Variants in GRID2 observed in about 807,000 individuals in gnomAD.
GRID2 encodes the protein glutamate receptor ionotropic, delta-2.
GRID2 carries 33 observed loss-of-function variants against 114.8 expected under a neutral mutation model. That is an observed-to-expected ratio of 0.29 (90% CI 0.22 to 0.38). The LOEUF (loss-of-function observed/expected upper bound fraction) is 0.38. Ranked by LOEUF, GRID2 falls within the 10% of genes least tolerant of loss-of-function variation. The pLI is 1.00. For synonymous variants in GRID2, 505 were observed against 449.9 expected (o/e 1.12, Z -1.55); for missense variants, 1,184 against 1,257.7 (o/e 0.94, Z 0.89).
chr4:92,383,160 C>A (rs1175438999), intron 1 of GRID2, among the ~76,000 whole-genome samples: 2 of 151,854 alleles, frequency 1.3e-5, no homozygotes, highest in Non-Finnish European at 2.9e-5. Context: ...CTAAATCATT[C>A]ATGAGGATTC....
chr4:92,963,784 T>C (rs755368910), intron 2 of GRID2, among the ~76,000 whole-genome samples: 1 of 152,016 alleles, frequency 6.6e-6, no homozygotes, highest in African/African-American at 2.4e-5. Flanking sequence ...CCCAGACCCA[T>C]TGGAAAAATT....
intron 1 of GRID2, among the ~76,000 whole-genome samples, chr4:93,787,499 C>T (rs1303574746): frequency 6.6e-6 from 1 of 152,148 alleles, no homozygotes; most frequent in Non-Finnish European, 1.5e-5. Flanking sequence ...TCCACTCTAA[C>T]CACCCTGTTT....
At position 92,536,545 on chromosome 4, in the gene GRID2, G is replaced by T. The variant is rs1725643205; in HGVS notation, c.89-53586G>T. 4.6e-5 allele frequency among the ~76,000 whole-genome samples: 7 copies of T among 152,264 alleles called. No homozygotes were observed. In the South Asian group the frequency reaches 1.5e-3, roughly 32 times the overall value. ...ACATAAGTGCTTAAAGAATGAAGAT[G>T]AAATAAAAATGATTTACACAAAACT... On this transcript the variant is annotated intron_variant, in intron 1 of 15. Coordinates refer to ENST00000282020, the MANE Select transcript of GRID2 (RefSeq NM_001510.4).
chr4:93,181,538 A>G (rs1447953646), intron 4 of GRID2, among the ~76,000 whole-genome samples: 4 of 152,218 alleles, frequency 2.6e-5, no homozygotes, highest in Admixed American at 6.5e-5. Context: ...GAAAGTCCCA[A>G]TGGCATCTTC....
chr4:93,724,838 G>A (rs769877371), intron 14 of GRID2, among the ~76,000 whole-genome samples: 11 of 151,964 alleles, frequency 7.2e-5, no homozygotes, highest in Non-Finnish European at 1.5e-4. Flanking sequence ...GGAGTGCAGC[G>A]GCATGATCTC....
chr4:92,760,201 G>A (rs1737925370), intron 2 of GRID2, among the ~76,000 whole-genome samples: 1 of 132,762 alleles, frequency 7.5e-6, no homozygotes, highest in East Asian at 2.2e-4. Flanking sequence ...TTGGGCCACT[G>A]CACTCCAGCC....
At chr4:92,533,188 T>TTTTG (rs1402792826) in intron 1 of GRID2, among the ~76,000 whole-genome samples, 1 of 144,622 alleles carries the variant, frequency 6.9e-6, no homozygotes, top group African/African-American at 2.5e-5. Flanking sequence ...TGGTGTGTTT[T>TTTTG]TTTGTTTTTT....
intron 4 of GRID2, among the ~76,000 whole-genome samples, chr4:93,205,403 T>C (rs1222953791): frequency 6.6e-6 from 1 of 152,106 alleles, no homozygotes; most frequent in East Asian, 1.9e-4. Flanking sequence ...TAAGAACATG[T>C]GGTGTTTGGT....
rs150251494 is a variant in GRID2, at chr4:93,170,388, C to G, written c.736-37016C>G. 3.7e-3 allele frequency among the ~76,000 whole-genome samples: 561 copies of G among 152,122 alleles called. 21 individuals are homozygous for G. In the East Asian group the frequency reaches 0.058, roughly 16 times the overall value. ...CATGAACCACTGTGCTGGGCCCCCC[C>G]CTTTTTTAATTGTAATAAACAATGG... On this transcript the variant is annotated intron_variant, in intron 4 of 15. Coordinates refer to ENST00000282020, the MANE Select transcript of GRID2 (RefSeq NM_001510.4).
chr4:93,558,264 A>G (rs1330312988), intron 13 of GRID2, among the ~76,000 whole-genome samples: 1 of 152,202 alleles, frequency 6.6e-6, no homozygotes, highest in Admixed American at 6.5e-5. Flanking sequence ...AGAAAGAGAC[A>G]CGAAAAACCC....
intron 14 of GRID2, among the ~76,000 whole-genome samples, chr4:93,744,132 A>G (rs1430333035): frequency 6.6e-6 from 1 of 152,212 alleles, no homozygotes; most frequent in East Asian, 1.9e-4. Flanking sequence ...CTTTCAAAAT[A>G]TTACTGCTCA....
intron 8 of GRID2, among the ~76,000 whole-genome samples, chr4:93,370,127 G>C (rs1762724057): frequency 6.6e-6 from 1 of 151,852 alleles, no homozygotes; most frequent in Admixed American, 6.6e-5. Flanking sequence ...TCTTCTACTT[G>C]ATGTTCTGTT....
intron 2 of GRID2, among the ~76,000 whole-genome samples, chr4:92,646,381 A>G (rs1731624901): frequency 6.6e-6 from 1 of 152,238 alleles, no homozygotes; most frequent in African/African-American, 2.4e-5. Context: ...AATATATTAC[A>G]TTATTAACCT....
chr4:92,402,710 A>G (rs1161236192), intron 1 of GRID2, among the ~76,000 whole-genome samples: 1 of 152,186 alleles, frequency 6.6e-6, no homozygotes, highest in South Asian at 2.1e-4. Flanking sequence ...CACAGGCAGA[A>G]TAGATTTAGC....
At chr4:93,357,451 T>C (rs974024588) in intron 8 of GRID2, among the ~76,000 whole-genome samples, 2 of 151,484 alleles carry the variant, frequency 1.3e-5, no homozygotes, top group Admixed American at 1.3e-4. Context: ...TTTCTTTAAA[T>C]TTTTCCTATT....
chr4:93,449,995 G>A (rs4693321), intron 10 of GRID2, among the ~76,000 whole-genome samples: 36,461 of 151,816 alleles, frequency 0.24, 5,401 homozygotes, highest in Non-Finnish European at 0.34. Context: ...GTTTGATAGT[G>A]TTTATTTTAA....
chr4:92,443,742 C>T (rs1417569615), intron 1 of GRID2, among the ~76,000 whole-genome samples: 1 of 152,026 alleles, frequency 6.6e-6, no homozygotes, highest in African/African-American at 2.4e-5. Flanking sequence ...GCCCCTTCCC[C>T]AGAAAAGCAG....
intron 14 of GRID2, among the ~76,000 whole-genome samples, chr4:93,632,761 T>C (rs1236153920): frequency 1.3e-5 from 2 of 151,888 alleles, no homozygotes; most frequent in East Asian, 3.9e-4. Context: ...AAGAAAGTCA[T>C]TGGTAGCTTG....
chr4:93,168,858 T>C (rs980830722), intron 4 of GRID2, among the ~76,000 whole-genome samples: 2 of 152,150 alleles, frequency 1.3e-5, no homozygotes, highest in African/African-American at 4.8e-5. Context: ...GAAAATGTGG[T>C]CCATTTGTGC....
Sources: gnomAD v4.1 joint callset for allele counts (sites outside exome capture counted in the v4.1 genomes callset) on GRCh38, gnomAD v4.1.1 for gene constraint, MANE v1.5 for transcripts, NCBI Gene and HGNC (gene_info 2026-07-23, HGNC 2026-07-21) for gene names.